Variants in TCF7L1 observed in about 807,000 individuals in gnomAD.
TCF7L1 encodes transcription factor 7-like 1.
In TCF7L1, 18 loss-of-function variants were observed where a neutral mutation model predicts 63.7. The ratio of observed to expected loss-of-function variants is 0.28; its 90% confidence interval spans 0.20 to 0.42. The LOEUF (loss-of-function observed/expected upper bound fraction) is 0.42. Among genes scored for constraint, TCF7L1 ranks in the 10% least tolerant of loss-of-function variants. TCF7L1 has a pLI of 1.00. For missense variants in TCF7L1, 654 were observed against 779.3 expected, an observed-to-expected ratio of 0.84 and a Z score of 1.91; for synonymous variants, 355 against 340.9, an observed-to-expected ratio of 1.04 and a Z score of -0.46.
At chr2:85,173,531 A>G (rs1338547508) in intron 3 of TCF7L1, among the ~76,000 whole-genome samples, 1 of 152,196 alleles carries the variant, frequency 6.6e-6, no homozygotes, top group African/African-American at 2.4e-5. Context: ...TGAATCACAC[A>G]TATCCTATAT....
At chr2:85,228,753 C>T (rs1416306693) in intron 3 of TCF7L1, among the ~76,000 whole-genome samples, 2 of 151,962 alleles carry the variant, frequency 1.3e-5, no homozygotes, top group Non-Finnish European at 2.9e-5. Context: ...CGGTGGCTCA[C>T]GCCTGTAATC....
At chr2:85,213,880 C>G (rs1031514262) in intron 3 of TCF7L1, among the ~76,000 whole-genome samples, 1 of 152,184 alleles carries the variant, frequency 6.6e-6, no homozygotes, top group Non-Finnish European at 1.5e-5. Flanking sequence ...CCCACTGCCC[C>G]CATATCTTGC....
At chr2:85,147,527 G>A (rs1356082059) in intron 3 of TCF7L1, among the ~76,000 whole-genome samples, 1 of 152,060 alleles carries the variant, frequency 6.6e-6, no homozygotes, top group South Asian at 2.1e-4. Context: ...GGCTCTTGGG[G>A]TCCAAGGGGA....
At chr2:85,297,814 C>T (rs1311109479) in intron 4 of TCF7L1, among the ~76,000 whole-genome samples, 1 of 152,064 alleles carries the variant, frequency 6.6e-6, no homozygotes, top group Non-Finnish European at 1.5e-5. Flanking sequence ...TCATTGACAC[C>T]TTCCCTGGTC....
intron 3 of TCF7L1, among the ~76,000 whole-genome samples, chr2:85,213,061 T>C (rs1679611172): frequency 6.8e-6 from 1 of 146,478 alleles, no homozygotes; most frequent in Admixed American, 7.2e-5. Context: ...TGTGCAAGAC[T>C]GGACTGGTGA....
intron 3 of TCF7L1, among the ~76,000 whole-genome samples, chr2:85,220,632 G>A (rs1397622597): frequency 6.6e-6 from 1 of 152,018 alleles, no homozygotes; most frequent in African/African-American, 2.4e-5. Flanking sequence ...CCAAAGTGCT[G>A]GGATTACAGG....
rs1572987927 is a variant in TCF7L1, at chr2:85,197,535, C to T, written c.441+63085C>T. On this transcript the variant is annotated intron_variant, in intron 3 of 11. Transcript: ENST00000282111. ...TAAAGGCTATCCTAGGATCAAAAGG[C>T]AGTCTACTAAAAGTCCATTAATTAG... is the stretch of plus-strand genomic sequence containing the variant. Among the ~76,000 whole-genome samples the T allele has an allele frequency of 7.9e-5, 12 of 152,292 alleles. No individual in the cohort carries two copies. The South Asian group carries it at 2.3e-3, about 29-fold the overall frequency.
In TCF7L1 at chr2:85,309,256, G is replaced by A. The variant is rs747610866; in HGVS notation, c.1561G>A (p.Ala521Thr). The stretch of plus-strand genomic sequence containing the variant: ...GGCCCAGCTGGCTCTCCACTCTGCC[G>A]CCTTCCTGTCGGCTAAGGCTGCAGC... ...TRAQLALHSAAFLSAKAAASS... is the reference protein window; with the variant it reads ...TRAQLALHSATFLSAKAAASS... Residue 521 changes from alanine (A) to threonine (T), a missense_variant, in exon 12 of 12, where the codon GCC becomes ACC. Physicochemically the swap from Ala to Thr is moderately conservative, Grantham distance 58 (BLOSUM62 0). Transcript: ENST00000282111. 44 of 1,613,646 alleles carry A rather than the reference G, an allele frequency of 2.7e-5. 1 individual carries two copies. The highest frequency in any genetic ancestry group is 1.6e-4 in the African/African-American group (12 of 74,812).
chr2:85,270,814 C>A (rs1013817352), intron 3 of TCF7L1, among the ~76,000 whole-genome samples: 1 of 152,016 alleles, frequency 6.6e-6, no homozygotes, highest in Admixed American at 6.6e-5. Flanking sequence ...CTCAGCCTCT[C>A]GGGTAGCTGG....
chr2:85,190,226 C>T (rs2104263484), intron 3 of TCF7L1, among the ~76,000 whole-genome samples: 1 of 152,250 alleles, frequency 6.6e-6, no homozygotes, highest in South Asian at 2.1e-4. Context: ...TTGAAGAGGC[C>T]ACAGAATATT....
Position 85,196,328 on chromosome 2 carries a change from C to T in TCF7L1, c.441+61878C>T, listed in dbSNP as rs184316967. Among the ~76,000 whole-genome samples the T allele has an allele frequency of 7.2e-5, 11 of 152,348 alleles. No homozygotes were observed. The South Asian group carries it at 1.0e-3, about 14-fold the overall frequency. On this transcript the variant is annotated intron_variant, in intron 3 of 11. Coordinates refer to ENST00000282111, the MANE Select transcript of TCF7L1 (RefSeq NM_031283.3). ...TAGGCTGGACTCAAACTCCTGGGCT[C>T]AAGGGATCCTCCCACCTCAACATCC... is the stretch of plus-strand genomic sequence containing the variant.
chr2:85,172,718 G>A (rs1326797161), intron 3 of TCF7L1, among the ~76,000 whole-genome samples: 2 of 152,072 alleles, frequency 1.3e-5, no homozygotes, highest in South Asian at 2.1e-4. Flanking sequence ...GAGCCACCGC[G>A]CCCGGCCACC....
At chr2:85,171,993 A>C (rs934515698) in intron 3 of TCF7L1, among the ~76,000 whole-genome samples, 2 of 151,890 alleles carry the variant, frequency 1.3e-5, no homozygotes, top group Admixed American at 6.6e-5. Flanking sequence ...TGGGGAGACC[A>C]GTTTCTCAGT....
chr2:85,142,770 G>T (rs772359880), intron 3 of TCF7L1, among the ~76,000 whole-genome samples: 4 of 152,264 alleles, frequency 2.6e-5, no homozygotes, highest in Middle Eastern at 3.4e-3. Flanking sequence ...AACCATGAGG[G>T]GAGTGAAGGG....
In TCF7L1 at chr2:85,253,651, G is replaced by A. The variant is rs150226983; in HGVS notation, c.442-29844G>A. 8.1e-3 allele frequency among the ~76,000 whole-genome samples: 1,240 copies of A among 152,260 alleles called. 8 individuals carry two copies. Among genetic ancestry groups the A allele is most frequent in the Non-Finnish European group, 0.013 (877 of 68,022 alleles). On this transcript the variant is annotated intron_variant, in intron 3 of 11. Coordinates refer to ENST00000282111, the MANE Select transcript of TCF7L1 (RefSeq NM_031283.3). ...GTTAGTGTCACAACAGAAGAACAGT[G>A]AGCTTTGGAGCCTCAAAGAAAGAGG...
intron 3 of TCF7L1, among the ~76,000 whole-genome samples, chr2:85,231,514 G>A (rs376615418): frequency 9.2e-5 from 14 of 152,200 alleles, no homozygotes; most frequent in African/African-American, 3.4e-4. Flanking sequence ...TCACACTGAT[G>A]GTCTCATACA....
chr2:85,235,591 T>C (rs1680171399), intron 3 of TCF7L1, among the ~76,000 whole-genome samples: 1 of 152,172 alleles, frequency 6.6e-6, no homozygotes. Flanking sequence ...CCCAGAAGCC[T>C]CGCGGAGCTC....
chr2:85,249,458 C>G (rs2104333642), intron 3 of TCF7L1, among the ~76,000 whole-genome samples: 1 of 152,336 alleles, frequency 6.6e-6, no homozygotes. Flanking sequence ...TAATTGCATC[C>G]TGTGCCTCTT....
intron 3 of TCF7L1, among the ~76,000 whole-genome samples, chr2:85,168,362 A>G (rs1015578962): frequency 6.6e-5 from 10 of 152,176 alleles, no homozygotes; most frequent in African/African-American, 2.4e-4. Context: ...TATATCAATC[A>G]TACCTCAACA....
Sources: allele counts gnomAD v4.1 joint callset (sites outside exome capture counted in the v4.1 genomes callset), GRCh38; gene constraint gnomAD v4.1.1; transcripts MANE v1.5; gene names NCBI Gene and HGNC (gene_info 2026-07-23, HGNC 2026-07-21).